The following CNTNAP5 variants were observed in gnomAD, a reference collection of about 807,000 sequenced individuals.
CNTNAP5 encodes contactin associated protein family member 5, also known as contactin-associated protein-like 5.
Under a neutral mutation model 150.2 loss-of-function variants are expected in CNTNAP5, and 72 were observed. That is an observed-to-expected ratio of 0.48 (90% CI 0.40 to 0.58). The LOEUF (loss-of-function observed/expected upper bound fraction) is 0.58, where lower values mean the gene tolerates loss of function less well. Ranked by LOEUF, CNTNAP5 falls within the 20% of genes least tolerant of loss-of-function variation. CNTNAP5 has a pLI of 0.00. For synonymous variants in CNTNAP5, 672 were observed against 619.8 expected (o/e 1.08, Z -1.25); for missense variants, 1,636 against 1,626.2 (o/e 1.01, Z -0.10).
intron 19 of CNTNAP5, among the ~76,000 whole-genome samples, chr2:124,799,998 A>G (rs1681932960): frequency 2.0e-5 from 3 of 152,202 alleles, no homozygotes; most frequent in African/African-American, 4.8e-5. Context: ...GGACCATTCT[A>G]TCAACATAGC....
chr2:124,392,398 C>T (rs1229841528), intron 3 of CNTNAP5, among the ~76,000 whole-genome samples: 1 of 152,022 alleles, frequency 6.6e-6, no homozygotes, highest in East Asian at 1.9e-4. Flanking sequence ...CTTTACAAAT[C>T]TCTAGGAGTA....
intron 10 of CNTNAP5, among the ~76,000 whole-genome samples, chr2:124,538,794 T>C (rs1022581980): frequency 1.3e-5 from 2 of 152,214 alleles, no homozygotes; most frequent in African/African-American, 2.4e-5. Flanking sequence ...AAGCCACTTA[T>C]GTGAAGCAGA....
At position 124,053,113 on chromosome 2, in the gene CNTNAP5, C is replaced by T. The variant is rs527457610; in HGVS notation, c.82+27381C>T. On this transcript the variant is annotated intron_variant, in intron 1 of 23. Transcript: ENST00000682447. ...TTTGTCCTCATTTATTATTCATCAG[C>T]AAATGCCCAATAAATGTTTGAGAAC... 2.0e-5 allele frequency among the ~76,000 whole-genome samples: 3 copies of T among 150,726 alleles called. No individual in the cohort carries two copies. The South Asian group carries it at 6.3e-4, about 32-fold the overall frequency.
chr2:124,235,171 C>T (rs1227779511), intron 2 of CNTNAP5, among the ~76,000 whole-genome samples: 2 of 152,184 alleles, frequency 1.3e-5, no homozygotes, highest in East Asian at 3.9e-4. Flanking sequence ...CCTTGAGACA[C>T]TGGGACCAGC....
chr2:124,428,042 C>A (rs1420385949), intron 4 of CNTNAP5, among the ~76,000 whole-genome samples: 1 of 152,216 alleles, frequency 6.6e-6, no homozygotes, highest in African/African-American at 2.4e-5. Flanking sequence ...TGGTTCCCTT[C>A]AGCAAGTTTG....
At chr2:124,212,014 G>T (rs75941978) in intron 1 of CNTNAP5, among the ~76,000 whole-genome samples, 213 of 152,230 alleles carry the variant, frequency 1.4e-3, no homozygotes, top group African/African-American at 5.0e-3. Context: ...TAGTGAGAAA[G>T]ACAACGTTCT....
At chr2:124,496,117 TAATAGAGAACTGCTA>T (rs577903411) in intron 7 of CNTNAP5, among the ~76,000 whole-genome samples, 96 of 152,106 alleles carry the variant, frequency 6.3e-4, no homozygotes, top group African/African-American at 2.1e-3. Context: ...ATGAACTGCT[TAATAGAGAACTGCTA>T]AATAGAGAAC....
rs190739903 is a variant in CNTNAP5 at position 124,094,515 on chromosome 2, A to G, written c.82+68783A>G. ...ATTTATAGATTTGTCTAATACATAT[A>G]TATGTCTAATACATTTATAAAATAC... On this transcript the variant is annotated intron_variant, in intron 1 of 23. Transcript: ENST00000682447. 2.0e-3 allele frequency among the ~76,000 whole-genome samples: 301 copies of G among 152,336 alleles called. 2 individuals carry two copies. Among genetic ancestry groups the G allele is most frequent in the African/African-American group, 6.9e-3 (287 of 41,576 alleles).
intron 13 of CNTNAP5, among the ~76,000 whole-genome samples, chr2:124,728,088 A>G (rs527941520): frequency 6.6e-6 from 1 of 152,184 alleles, no homozygotes; most frequent in Non-Finnish European, 1.5e-5. Flanking sequence ...TTATTCTGCT[A>G]ATGTGGTGTA....
chr2:124,098,146 T>C (rs1682984020), intron 1 of CNTNAP5, among the ~76,000 whole-genome samples: 1 of 152,258 alleles, frequency 6.6e-6, no homozygotes, highest in Non-Finnish European at 1.5e-5. Flanking sequence ...AAACAGTTGA[T>C]TAACACATAT....
chr2:124,865,464 G>C (rs1372594480), intron 20 of CNTNAP5, 28 bp downstream of exon 20: 1 of 1,549,742 alleles, frequency 6.5e-7, no homozygotes, highest in Non-Finnish European at 8.7e-7. Flanking sequence ...TCCTGCTTCA[G>C]CCAATGTGCC....
intron 14 of CNTNAP5, among the ~76,000 whole-genome samples, chr2:124,748,709 C>A: frequency 6.6e-6 from 1 of 152,208 alleles, no homozygotes; most frequent in South Asian, 2.1e-4. Flanking sequence ...AAGGAAAGGA[C>A]CAGGCATCTG....
At chr2:124,713,338 TCTTTC>T (rs1431036151) in intron 13 of CNTNAP5, among the ~76,000 whole-genome samples, 1 of 122,020 alleles carries the variant, frequency 8.2e-6, no homozygotes, top group Non-Finnish European at 1.7e-5. Context: ...TTTCTTTCTT[TCTTTC>T]TTTCTTTCTT....
At chr2:124,815,047 A>G (rs781359191) in intron 19 of CNTNAP5, among the ~76,000 whole-genome samples, 3 of 152,334 alleles carry the variant, frequency 2.0e-5, no homozygotes, top group East Asian at 1.9e-4. Flanking sequence ...AAAGCACAAC[A>G]ATGAAAATCA....
At chr2:124,414,412 G>A (rs13393426) in intron 3 of CNTNAP5, among the ~76,000 whole-genome samples, 2,063 of 152,132 alleles carry the variant, frequency 0.014, 46 homozygotes, top group African/African-American at 0.047. Context: ...AAGTCCCTGG[G>A]ACCATGCATT....
chr2:124,343,322 C>G (rs1184727465), intron 3 of CNTNAP5, among the ~76,000 whole-genome samples: 1 of 152,052 alleles, frequency 6.6e-6, no homozygotes, highest in Non-Finnish European at 1.5e-5. Flanking sequence ...ATGAATGTAA[C>G]TTAAAGAAAG....
chr2:124,849,672 GCTAT>G (rs1573659254), intron 19 of CNTNAP5, among the ~76,000 whole-genome samples: 1 of 152,098 alleles, frequency 6.6e-6, no homozygotes, highest in Non-Finnish European at 1.5e-5. Context: ...ATGAATGTGG[GCTAT>G]CTATTAATTT....
chr2:124,152,828 G>T (rs1053634940), intron 1 of CNTNAP5, among the ~76,000 whole-genome samples: 1 of 152,208 alleles, frequency 6.6e-6, no homozygotes, highest in African/African-American at 2.4e-5. Flanking sequence ...ATACTTCTCC[G>T]CTTGGCAATC....
chr2:124,480,865 C>A (rs1200890329), intron 7 of CNTNAP5, among the ~76,000 whole-genome samples: 1 of 152,166 alleles, frequency 6.6e-6, no homozygotes, highest in Non-Finnish European at 1.5e-5. Flanking sequence ...CCAAGTTATT[C>A]ACTCACTGAA....
Sources: allele counts gnomAD v4.1 joint callset (sites outside exome capture counted in the v4.1 genomes callset), GRCh38; gene constraint gnomAD v4.1.1; transcripts MANE v1.5; gene names NCBI Gene and HGNC (gene_info 2026-07-23, HGNC 2026-07-21).